The following CDH8 variants were observed in gnomAD, a reference collection of about 807,000 sequenced individuals.
CDH8 encodes cadherin-8.
CDH8 carries 17 observed loss-of-function variants against 68.1 expected under a neutral mutation model. The ratio of observed to expected loss-of-function variants is 0.25; its 90% CI spans 0.17 to 0.37. The LOEUF is 0.37. Ranked by LOEUF, CDH8 falls within the 10% of genes least tolerant of loss-of-function variation. The pLI, the probability that CDH8 is intolerant of heterozygous loss-of-function variation, is 1.00. For missense variants in CDH8, 763 were observed against 999.3 expected, an observed-to-expected ratio of 0.76 and a Z score of 3.19; for synonymous variants, 372 against 365.1, an observed-to-expected ratio of 1.02 and a Z score of -0.21.
chr16:61,937,754 A>G (rs768910576), intron 2 of CDH8, among the ~76,000 whole-genome samples: 4 of 152,168 alleles, frequency 2.6e-5, no homozygotes, highest in African/African-American at 4.8e-5. Flanking sequence ...TTCAATGTCT[A>G]TGAAGTGAAC....
chr16:61,937,443 G>A (rs184096991), intron 2 of CDH8, among the ~76,000 whole-genome samples: 60 of 152,276 alleles, frequency 3.9e-4, no homozygotes, highest in African/African-American at 1.4e-3. Flanking sequence ...ATTCAATTGA[G>A]AGATTACAAG....
chr16:61,871,235 C>A (rs1290074459), intron 3 of CDH8, among the ~76,000 whole-genome samples: 3 of 151,880 alleles, frequency 2.0e-5, no homozygotes, highest in Non-Finnish European at 2.9e-5. Flanking sequence ...AAACTGAGTG[C>A]CGTGGTACCA....
At chr16:62,005,097 T>C (rs766551569) in intron 2 of CDH8, among the ~76,000 whole-genome samples, 27 of 152,190 alleles carry the variant, frequency 1.8e-4, no homozygotes, top group Non-Finnish European at 3.2e-4. Flanking sequence ...CAAGGAGCAG[T>C]TCCCAGCATG....
chr16:62,016,265 G>A (rs1004702751), intron 2 of CDH8, among the ~76,000 whole-genome samples: 3 of 152,118 alleles, frequency 2.0e-5, no homozygotes, highest in Admixed American at 6.5e-5. Context: ...CCGTTTTAAT[G>A]TCTGTCTCCC....
chr16:61,659,959 A>C (rs1963523957), intron 10 of CDH8, among the ~76,000 whole-genome samples: 1 of 152,172 alleles, frequency 6.6e-6, no homozygotes, highest in Non-Finnish European at 1.5e-5. Context: ...TCCTGTTGGA[A>C]ATTAGTGGAA....
intron 8 of CDH8, among the ~76,000 whole-genome samples, chr16:61,782,078 C>T (rs1038170271): frequency 9.2e-5 from 14 of 152,096 alleles, no homozygotes; most frequent in Non-Finnish European, 1.6e-4. Context: ...AACAAACATT[C>T]GGAGGAGCCA....
intron 3 of CDH8, among the ~76,000 whole-genome samples, chr16:61,874,335 G>GT (rs1004239664): frequency 6.6e-6 from 1 of 151,576 alleles, no homozygotes; most frequent in African/African-American, 2.4e-5. Flanking sequence ...TCTTTTTTTC[G>GT]TTTTTTTGTT....
intron 3 of CDH8, 49 bp downstream of exon 3, chr16:61,901,130 A>C: frequency 7.4e-6 from 11 of 1,479,788 alleles, no homozygotes; most frequent in Non-Finnish European, 9.3e-6. Context: ...GCCAGGAGCT[A>C]TTCTAAAGAT....
chr16:61,647,882 C>T lies in CDH8; in HGVS notation c.*5726G>A. ...TGATATTCCTCCTAGCAACCCTCTT[C>T]TGTAATCTGTGGATAATAATAGAAA... On this transcript the variant is annotated 3_prime_UTR_variant, in exon 12 of 12. Transcript: ENST00000577390. 1.4e-6 allele frequency: 1 copy of T among 698,602 alleles called. No individual in the cohort carries two copies. The highest frequency in any genetic ancestry group is 1.5e-5 in the South Asian group (1 of 67,402). The allele number at this position is 698,602 out of a possible 1,614,324, so 43.3% of individuals were successfully genotyped here.
intron 2 of CDH8, among the ~76,000 whole-genome samples, chr16:61,965,366 G>A (rs1343507817): frequency 6.6e-6 from 1 of 152,154 alleles, no homozygotes; most frequent in Admixed American, 6.5e-5. Flanking sequence ...TTTCATAAGG[G>A]CTGGGATCAC....
chr16:61,787,801 T>C (rs1961264428), intron 8 of CDH8, among the ~76,000 whole-genome samples: 1 of 150,982 alleles, frequency 6.6e-6, no homozygotes, highest in African/African-American at 2.5e-5. Context: ...GGGACATGGA[T>C]GAAATTGGAA....
chr16:61,747,723 T>C (rs1189820507), intron 8 of CDH8, among the ~76,000 whole-genome samples: 1 of 151,922 alleles, frequency 6.6e-6, no homozygotes, highest in Non-Finnish European at 1.5e-5. Flanking sequence ...AGAAATATTT[T>C]AATTTCTAAA....
At chr16:61,682,132 GA>G (rs1449665259) in intron 10 of CDH8, among the ~76,000 whole-genome samples, 1 of 151,748 alleles carries the variant, frequency 6.6e-6, no homozygotes, top group African/African-American at 2.4e-5. Context: ...CTCTCCTTGT[GA>G]AAAGTGAAAT....
At chr16:61,845,444 C>T (rs536203683) in intron 4 of CDH8, among the ~76,000 whole-genome samples, 1 of 142,118 alleles carries the variant, frequency 7.0e-6, no homozygotes, top group African/African-American at 2.6e-5. Flanking sequence ...TGCTGTGTCA[C>T]ATACAATAAA....
chr16:61,895,874 A>G (rs1488221629), intron 3 of CDH8, among the ~76,000 whole-genome samples: 1 of 152,122 alleles, frequency 6.6e-6, no homozygotes. Context: ...TCCTCCAAAC[A>G]CACTTTTGGG....
chr16:61,768,339 T>TCCCTTTCTCTCG (rs2142980990), intron 8 of CDH8, among the ~76,000 whole-genome samples: 2 of 109,560 alleles, frequency 1.8e-5, no homozygotes, highest in African/African-American at 7.5e-5. Flanking sequence ...TCTCTCTCTC[T>TCCCTTTCTCTCG]CTCTCTCTCT....
chr16:61,947,378 G>A (rs879748248), intron 2 of CDH8, among the ~76,000 whole-genome samples: 1 of 152,176 alleles, frequency 6.6e-6, no homozygotes, highest in Non-Finnish European at 1.5e-5. Flanking sequence ...ACCATTCAGG[G>A]ATAGATTAAA....
At chr16:61,718,484 A>G (rs1383532160) in intron 9 of CDH8, among the ~76,000 whole-genome samples, 1 of 151,376 alleles carries the variant, frequency 6.6e-6, no homozygotes, top group Non-Finnish European at 1.5e-5. Context: ...AAATCCTTCT[A>G]TAATGATATG....
intron 7 of CDH8, among the ~76,000 whole-genome samples, chr16:61,801,229 A>C (rs1961619054): frequency 6.6e-6 from 1 of 152,108 alleles, no homozygotes; most frequent in South Asian, 2.1e-4. Flanking sequence ...AAATACATGT[A>C]ATTTGATTAT....
Sources: allele counts gnomAD v4.1 joint callset (sites outside exome capture counted in the v4.1 genomes callset), GRCh38; gene constraint gnomAD v4.1.1; transcripts MANE v1.5; gene names NCBI Gene and HGNC (gene_info 2026-07-23, HGNC 2026-07-21).